DPP8: variants seen among roughly 807,000 people sequenced by gnomAD.
DPP8 encodes DPP VIII.
A neutral mutation model predicts 107.5 loss-of-function variants in DPP8; 31 were observed. The ratio of observed to expected loss-of-function variants is 0.29; its 90% CI spans 0.22 to 0.39. The LOEUF is 0.39. Among genes scored for constraint, DPP8 ranks in the 10% least tolerant of loss-of-function variants. The pLI, the probability that DPP8 is intolerant of heterozygous loss-of-function variation, is 1.00. For missense variants in DPP8, 842 were observed against 1,076.1 expected (o/e 0.78, Z 3.04); for synonymous variants, 381 against 356.6 (o/e 1.07, Z -0.77).
At position 65,512,577 on chromosome 15, in the gene DPP8, G is replaced by A; in HGVS notation, c.-11-13C>T. 1.2e-6 allele frequency: 2 copies of A among 1,613,744 alleles called. No individual in the cohort carries two copies. The highest frequency in any genetic ancestry group is 1.7e-6 in the Non-Finnish European group (2 of 1,179,842). On this transcript the variant is annotated splice_polypyrimidine_tract_variant and intron_variant, in intron 1 of 19. Transcript: ENST00000300141. ...ATGTTGCATTTTCCTAGAAAAACAA[G>A]GCACATGAAGCTGTTCACGGGTCTA...
At chr15:65,462,842 G>A (rs1487327725) in intron 15 of DPP8, among the ~76,000 whole-genome samples, 2 of 152,136 alleles carry the variant, frequency 1.3e-5, no homozygotes, top group African/African-American at 4.8e-5. Context: ...GCCTCCCAAA[G>A]TGCTGGGATT....
intron 14 of DPP8, among the ~76,000 whole-genome samples, chr15:65,464,115 G>A (rs1048851721): frequency 1.3e-5 from 2 of 152,162 alleles, no homozygotes; most frequent in Non-Finnish European, 2.9e-5. Context: ...TGTAATCCCA[G>A]CACTTTGGGA....
At chr15:65,502,048 C>T (rs530034750) in intron 3 of DPP8, among the ~76,000 whole-genome samples, 1 of 152,262 alleles carries the variant, frequency 6.6e-6, no homozygotes, top group Admixed American at 6.5e-5. Flanking sequence ...TGCCACCACG[C>T]CCAGCTAATA....
rs1239956358 is a variant in DPP8 at position 65,500,592 on chromosome 15, C to A, written c.546+14G>T. On this transcript the variant is annotated intron_variant, in intron 4 of 19. Coordinates refer to ENST00000300141, the MANE Select transcript of DPP8 (RefSeq NM_130434.5). ...GACCCAAACCAGATTTAATCACTAG[C>A]AACTCCAACTTACCGTAAATCCTTG... The A allele has an allele frequency of 6.2e-7, 1 of 1,611,204 alleles. No individual in the cohort carries two copies. Among genetic ancestry groups the A allele is most frequent in the Non-Finnish European group, 8.5e-7 (1 of 1,177,828 alleles).
intron 2 of DPP8, among the ~76,000 whole-genome samples, chr15:65,507,726 G>T (rs2070241515): frequency 6.6e-6 from 1 of 150,458 alleles, no homozygotes; most frequent in Non-Finnish European, 1.5e-5. Flanking sequence ...TTGGTATTCA[G>T]ATCTTAGTCC....
At chr15:65,497,762 T>C (rs2068754453) in intron 5 of DPP8, 102 bp downstream of exon 5, 2 of 938,500 alleles carry the variant, frequency 2.1e-6, no homozygotes, top group Non-Finnish European at 3.0e-6. Flanking sequence ...ATTTCAAATA[T>C]AAAGATCACC....
intron 2 of DPP8, among the ~76,000 whole-genome samples, chr15:65,510,800 A>T (rs2070675216): frequency 6.6e-6 from 1 of 152,206 alleles, no homozygotes; most frequent in Non-Finnish European, 1.5e-5. Context: ...TAGCCTCCCA[A>T]AGTGCTGGGA....
rs547057716 is a variant in DPP8, at chr15:65,486,271, G to A, written c.956-1111C>T. On this transcript the variant is annotated intron_variant, in intron 7 of 19. Transcript: ENST00000300141. ...ACAAAAATTAGCCAGGTGTGGCGGCGGGCGCCTGTAATCCCAGCTACTCGG... is the reference window on the plus strand; with the variant it reads ...ACAAAAATTAGCCAGGTGTGGCGGCAGGCGCCTGTAATCCCAGCTACTCGG... Among the ~76,000 whole-genome samples, 9 of 143,850 alleles carry A rather than the reference G, an allele frequency of 6.3e-5. No homozygotes were observed. The South Asian group carries it at 9.0e-4, about 14-fold the overall frequency. The allele number at this position is 143,850 out of a possible 152,430, so 94.4% of individuals were successfully genotyped here. A position where few individuals can be genotyped will look rare whatever the true frequency, so the allele number is the denominator to read the frequency against.
At chr15:65,451,285 T>G (rs1267863993) in intron 18 of DPP8, among the ~76,000 whole-genome samples, 175 bp from the exon 19 acceptor site, 2 of 152,172 alleles carry the variant, frequency 1.3e-5, no homozygotes, top group East Asian at 1.9e-4. Context: ...CCACATGCAA[T>G]GAAGGATTAA....
chr15:65,447,098 T>A, intron 19 of DPP8, 92 bp from the exon 20 acceptor site: 1 of 978,660 alleles, frequency 1.0e-6, no homozygotes, highest in Non-Finnish European at 1.5e-6. Flanking sequence ...TTAACAGGAT[T>A]AATAATACGA....
Position 65,457,379 on chromosome 15 carries a change from AC to A in DPP8, c.1972-1009del, listed in dbSNP as rs575711711. On this transcript the variant is annotated intron_variant, in intron 15 of 19. Coordinates refer to ENST00000300141, the MANE Select transcript of DPP8 (RefSeq NM_130434.5). ...TCAAAAAACAAACAAAAAAAGTCAT[AC>A]TTTTTTTTTTTAAGAGATGGGGTCT... Among the ~76,000 whole-genome samples, 883 of 151,622 alleles carry A rather than the reference AC, an allele frequency of 5.8e-3. 10 individuals are homozygous for A. Among genetic ancestry groups the A allele is most frequent in the Non-Finnish European group, 8.4e-3 (572 of 67,826 alleles).
chr15:65,495,992 T>TA (rs1420996486), intron 5 of DPP8, among the ~76,000 whole-genome samples: 1 of 143,574 alleles, frequency 7.0e-6, no homozygotes. Context: ...TTCTTTTTTC[T>TA]TTTTTTTTTT....
rs75220880 is a variant in DPP8, at chr15:65,517,580, C to T, written c.-106G>A. ...GCCGCCTCCACTCCGGTCCTGGTTGCAGTGGCTTCCTCGGCGGCGGCGCCG... is the reference window on the plus strand; with the variant it reads ...GCCGCCTCCACTCCGGTCCTGGTTGTAGTGGCTTCCTCGGCGGCGGCGCCG... On this transcript the variant is annotated 5_prime_UTR_variant, in exon 1 of 20. Transcript: ENST00000300141. 7,321 of 152,526 alleles carry T rather than the reference C, an allele frequency of 0.048. 604 individuals are homozygous for T. Among genetic ancestry groups the T allele is most frequent in the African/African-American group, 0.17 (6,968 of 41,586 alleles). 9.4% of individuals were successfully genotyped at this position (152,526 alleles called of 1,614,324 possible). A position where few individuals can be genotyped will look rare whatever the true frequency, so the allele number is the denominator to read the frequency against.
At chr15:65,487,584 G>C in intron 7 of DPP8, 106 bp downstream of exon 7, 1 of 1,062,650 alleles carries the variant, frequency 9.4e-7, no homozygotes, top group South Asian at 1.5e-5. Context: ...TCGTAAATAA[G>C]GCTGGAAATG....
intron 15 of DPP8, among the ~76,000 whole-genome samples, chr15:65,461,577 G>A (rs1382612641): frequency 3.3e-5 from 5 of 150,584 alleles, no homozygotes; most frequent in Non-Finnish European, 7.4e-5. Flanking sequence ...AGTGTCCTAT[G>A]ATTTTTCTCT....
intron 1 of DPP8, among the ~76,000 whole-genome samples, chr15:65,514,344 TTAAG>T (rs1211318279): frequency 6.6e-6 from 1 of 152,158 alleles, no homozygotes; most frequent in African/African-American, 2.4e-5. Context: ...TGGCAGGGAA[TTAAG>T]TCATTTAGTT....
chr15:65,497,366 C>T (rs548147193), intron 5 of DPP8, among the ~76,000 whole-genome samples: 1 of 152,264 alleles, frequency 6.6e-6, no homozygotes, highest in Non-Finnish European at 1.5e-5. Flanking sequence ...AGGTGATCCT[C>T]CTACCTCAAT....
At chr15:65,495,733 T>C (rs915280678) in intron 5 of DPP8, among the ~76,000 whole-genome samples, 3 of 151,736 alleles carry the variant, frequency 2.0e-5, no homozygotes, top group Non-Finnish European at 2.9e-5. Flanking sequence ...ACCCCGTCTC[T>C]ACTAAAAATA....
intron 1 of DPP8, chr15:65,515,689 A>C: frequency 6.2e-7 from 1 of 1,613,842 alleles, no homozygotes; most frequent in Non-Finnish European, 8.5e-7. Flanking sequence ...GATCTCTTCC[A>C]CATTCAAAGA....
Sources: gnomAD v4.1 joint callset for allele counts (sites outside exome capture counted in the v4.1 genomes callset) on GRCh38, gnomAD v4.1.1 for gene constraint, MANE v1.5 for transcripts, NCBI Gene and HGNC (gene_info 2026-07-23, HGNC 2026-07-21) for gene names.